Variants in GDAP1 observed in about 807,000 individuals in gnomAD.
GDAP1 encodes the protein ganglioside-induced differentiation-associated protein 1.
GDAP1 carries 34 observed loss-of-function variants against 40.1 expected under a neutral mutation model. The ratio of observed to expected loss-of-function variants is 0.85; its 90% CI spans 0.64 to 1.13. The LOEUF is 1.13. GDAP1 is among the 50% of genes most tolerant of loss of function. GDAP1 has a pLI of 0.00. For synonymous variants in GDAP1, 170 were observed against 157.4 expected (o/e 1.08, Z -0.60); for missense variants, 374 against 433.7 (o/e 0.86, Z 1.22).
intron 2 of GDAP1, among the ~76,000 whole-genome samples, chr8:74,393,566 A>C (rs1226766485): frequency 6.6e-6 from 1 of 152,224 alleles, no homozygotes; most frequent in Non-Finnish European, 1.5e-5. Context: ...TGACCAAGGA[A>C]AGAAAACAAA....
chr8:74,423,778 C>T (rs1175895768), intron 2 of GDAP1, among the ~76,000 whole-genome samples: 1 of 151,988 alleles, frequency 6.6e-6, no homozygotes, highest in African/African-American at 2.4e-5. Context: ...AAGAGAGGAA[C>T]CCCCAAATTA....
chr8:74,484,179 T>A (rs1316427795), intron 2 of GDAP1, among the ~76,000 whole-genome samples: 1 of 152,196 alleles, frequency 6.6e-6, no homozygotes, highest in African/African-American at 2.4e-5. Context: ...TTCTAAAAAG[T>A]GAAGTTATAT....
At chr8:74,441,773 C>T (rs938623976) in intron 2 of GDAP1, among the ~76,000 whole-genome samples, 4 of 152,096 alleles carry the variant, frequency 2.6e-5, no homozygotes, top group African/African-American at 7.2e-5. Flanking sequence ...GTATCTCTAT[C>T]GGTAGGAAAT....
rs760573105 is a variant in GDAP1, at chr8:74,363,996, C to A, written c.706C>A (p.Gln236Lys). Residue 236 changes from glutamine to lysine, a missense_variant, in exon 6 of 6, where the codon CAA becomes AAA. Transcript: ENST00000220822. ...CTTTCTCTAATTAGAAGAGGGCCAG[C>A]AACCTTGGCTCTGCGGTGAATCCTT... ...RNEETPEEGQQPWLCGESFTL... is the reference protein window; with the variant it reads ...RNEETPEEGQKPWLCGESFTL... 7 of 1,613,894 alleles carry A rather than the reference C, an allele frequency of 4.3e-6. No individual in the cohort carries two copies. Among genetic ancestry groups the A allele is most frequent in the South Asian group, 2.2e-5 (2 of 91,092 alleles).
At chr8:74,476,008 C>G (rs990928216) in intron 2 of GDAP1, among the ~76,000 whole-genome samples, 1 of 152,114 alleles carries the variant, frequency 6.6e-6, no homozygotes, top group Non-Finnish European at 1.5e-5. Flanking sequence ...GGTCTTCTTG[C>G]TGAATTGAAC....
rs1362128480 is a variant in GDAP1 at position 74,350,588 on chromosome 8, GC to G, written c.117+12del. 3 of 1,508,962 alleles carry G rather than the reference GC, an allele frequency of 2.0e-6. No homozygotes were observed. The Admixed American group carries it at 5.0e-5, about 25-fold the overall frequency. 93.5% of individuals were successfully genotyped at this position (1,508,962 alleles called of 1,614,324 possible). On this transcript the variant is annotated intron_variant, in intron 1 of 5. Coordinates refer to ENST00000220822, the MANE Select transcript of GDAP1 (RefSeq NM_018972.4). Reference sequence around the variant, plus strand: ...CTTCAGCTCTCAAAAGGTACAACAGGCCTTGGCGGCGGAGGGTGGCGCGGAT... The same window carrying G: ...CTTCAGCTCTCAAAAGGTACAACAGGCTTGGCGGCGGAGGGTGGCGCGGAT...
chr8:74,361,402 TTTC>T (rs1809356006), intron 3 of GDAP1, among the ~76,000 whole-genome samples: 1 of 151,724 alleles, frequency 6.6e-6, no homozygotes, highest in African/African-American at 2.4e-5. Context: ...GTTTTTTTCT[TTTC>T]TTTTTTTTTT....
intron 2 of GDAP1, among the ~76,000 whole-genome samples, chr8:74,389,822 T>C (rs905738255): frequency 1.3e-5 from 2 of 152,232 alleles, no homozygotes; most frequent in African/African-American, 4.8e-5. Context: ...CAATCAATTG[T>C]AGGTTTCATC....
intron 2 of GDAP1, among the ~76,000 whole-genome samples, chr8:74,445,441 C>G (rs576956541): frequency 2.0e-5 from 3 of 152,210 alleles, no homozygotes; most frequent in Admixed American, 1.3e-4. Context: ...GCTTCTTTTG[C>G]AAATTGTGTA....
downstream of GDAP1, among the ~76,000 whole-genome samples, chr8:74,368,882 C>G (rs1809703214): frequency 6.6e-6 from 1 of 152,152 alleles, no homozygotes; most frequent in South Asian, 2.1e-4. Context: ...GCTCCCCACC[C>G]CAATTGTGAC....
intron 2 of GDAP1, among the ~76,000 whole-genome samples, chr8:74,384,936 A>G (rs141467228): frequency 2.0e-5 from 3 of 152,318 alleles, no homozygotes; most frequent in African/African-American, 4.8e-5. Context: ...AACAATATCC[A>G]TATGGGTATG....
intron 2 of GDAP1, among the ~76,000 whole-genome samples, chr8:74,439,460 G>C (rs1806133981): frequency 6.6e-6 from 1 of 151,896 alleles, no homozygotes; most frequent in Non-Finnish European, 1.5e-5. Flanking sequence ...TGTTCCATTA[G>C]TTCATTTTCT....
At chr8:74,376,100 A>G (rs1185867179) in intron 2 of GDAP1, among the ~76,000 whole-genome samples, 4 of 152,234 alleles carry the variant, frequency 2.6e-5, no homozygotes, top group African/African-American at 9.6e-5. Context: ...TAATTGATAA[A>G]AGAAATTGAA....
intron 2 of GDAP1, among the ~76,000 whole-genome samples, chr8:74,436,420 C>CT (rs11337545): frequency 1.7e-4 from 19 of 110,310 alleles, no homozygotes; most frequent in Non-Finnish European, 1.9e-4. Flanking sequence ...CCATCCCTTC[C>CT]TTTTTTTTTT....
At chr8:74,398,441 T>C (rs1810250238) in intron 2 of GDAP1, among the ~76,000 whole-genome samples, 1 of 152,164 alleles carries the variant, frequency 6.6e-6, no homozygotes, top group Non-Finnish European at 1.5e-5. Context: ...CTTAAGGAGA[T>C]TTTGGGCTGA....
At chr8:74,363,076 TC>T in intron 5 of GDAP1, 23 bp downstream of exon 5, 1 of 1,095,392 alleles carries the variant, frequency 9.1e-7, no homozygotes, top group Non-Finnish European at 1.4e-6. Flanking sequence ...TTATATTCTT[TC>T]TCTCTTTTCA....
chr8:74,460,644 G>T (rs1806389744), intron 2 of GDAP1, among the ~76,000 whole-genome samples: 1 of 152,156 alleles, frequency 6.6e-6, no homozygotes, highest in Non-Finnish European at 1.5e-5. Context: ...CCAGTGGATA[G>T]GCAATGAAGT....
rs537719786 is a variant in GDAP1, at chr8:74,480,769, C to T, written c.166-7909C>T. ...TACACTGTGTCTTTTGAGCTTTCTT[C>T]TGTTTCTTATTAAACCTATTCCAAT... On this transcript the variant is annotated intron_variant, in intron 2 of 2. Transcript: ENST00000523640. Among the ~76,000 whole-genome samples, 32 of 152,292 alleles carry T rather than the reference C, an allele frequency of 2.1e-4. No homozygotes were observed. In the East Asian group the frequency reaches 3.5e-3, roughly 17 times the overall value.
chr8:74,479,701 G>T (rs960273196), intron 2 of GDAP1, among the ~76,000 whole-genome samples: 6 of 152,136 alleles, frequency 3.9e-5, no homozygotes, highest in African/African-American at 1.5e-4. Context: ...TGTGTAGCCA[G>T]CTGGTAGGTT....
Sources: gnomAD v4.1 joint callset for allele counts (sites outside exome capture counted in the v4.1 genomes callset) on GRCh38, gnomAD v4.1.1 for gene constraint, MANE v1.5 for transcripts, NCBI Gene and HGNC (gene_info 2026-07-23, HGNC 2026-07-21) for gene names.